IMMP2L: variants seen among roughly 807,000 people sequenced by gnomAD.
IMMP2L encodes mitochondrial inner membrane protease subunit 2.
In IMMP2L, 18 loss-of-function variants were observed where a neutral mutation model predicts 19.3. The observed-to-expected ratio is 0.93, with a 90% CI of 0.64 to 1.38. The LOEUF (loss-of-function observed/expected upper bound fraction) is 1.38. Among genes scored for constraint, IMMP2L ranks in the 40% most tolerant of loss-of-function variants. The pLI, the probability that IMMP2L is intolerant of heterozygous loss-of-function variation, is 0.00. For synonymous variants in IMMP2L, 76 were observed against 73.0 expected, an observed-to-expected ratio of 1.04 and a Z score of -0.21; for missense variants, 233 against 218.2, an observed-to-expected ratio of 1.07 and a Z score of -0.43.
chr7:110,761,353 T>C (rs1798339434), intron 5 of IMMP2L, among the ~76,000 whole-genome samples: 1 of 152,158 alleles, frequency 6.6e-6, no homozygotes, highest in Non-Finnish European at 1.5e-5. Flanking sequence ...AATGATGTCC[T>C]TTCCATGACA....
intron 3 of IMMP2L, among the ~76,000 whole-genome samples, chr7:111,062,969 C>T (rs1427189661): frequency 6.6e-6 from 1 of 152,206 alleles, no homozygotes; most frequent in African/African-American, 2.4e-5. Flanking sequence ...GTAGTGCTAC[C>T]ATTCTGGAGG....
At chr7:111,234,741 G>C (rs1430976948) in intron 3 of IMMP2L, among the ~76,000 whole-genome samples, 3 of 151,678 alleles carry the variant, frequency 2.0e-5, no homozygotes, top group African/African-American at 7.3e-5. Flanking sequence ...TGTTGTTTTA[G>C]TGGTTGGTTC....
chr7:110,942,854 C>A (rs905599599), intron 4 of IMMP2L, among the ~76,000 whole-genome samples: 1 of 151,906 alleles, frequency 6.6e-6, no homozygotes, highest in African/African-American at 2.4e-5. Flanking sequence ...CTATAGATAT[C>A]CAGCACCCAA....
At chr7:111,349,435 T>C (rs574187197) in intron 3 of IMMP2L, among the ~76,000 whole-genome samples, 2 of 152,304 alleles carry the variant, frequency 1.3e-5, no homozygotes, top group African/African-American at 4.8e-5. Context: ...AAAAATAGTT[T>C]TAAATTTTTG....
At chr7:111,199,268 G>C (rs112188375) in intron 3 of IMMP2L, among the ~76,000 whole-genome samples, 1 of 152,000 alleles carries the variant, frequency 6.6e-6, no homozygotes, top group African/African-American at 2.4e-5. Flanking sequence ...TTAAGTATGC[G>C]AGTATTTCTA....
At chr7:111,080,555 G>T (rs1166030093) in intron 3 of IMMP2L, among the ~76,000 whole-genome samples, 1 of 151,570 alleles carries the variant, frequency 6.6e-6, no homozygotes, top group African/African-American at 2.4e-5. Flanking sequence ...TATACACACA[G>T]AATATTTCAA....
intron 5 of IMMP2L, among the ~76,000 whole-genome samples, chr7:110,686,837 C>T (rs371914011): frequency 6.6e-6 from 1 of 152,194 alleles, no homozygotes; most frequent in East Asian, 1.9e-4. Context: ...CTGCTATACA[C>T]ACTGGTACCA....
At chr7:111,055,341 C>G (rs1008792005) in intron 3 of IMMP2L, among the ~76,000 whole-genome samples, 3 of 152,168 alleles carry the variant, frequency 2.0e-5, no homozygotes, top group Non-Finnish European at 4.4e-5. Context: ...CCACGCTCAG[C>G]TGAGTTGGCA....
intron 3 of IMMP2L, among the ~76,000 whole-genome samples, chr7:111,445,881 A>G (rs1301410481): frequency 1.3e-5 from 2 of 152,174 alleles, no homozygotes; most frequent in Non-Finnish European, 2.9e-5. Context: ...AGGGCGAGGC[A>G]TTGCCTCACC....
chr7:111,384,302 AG>A (rs1218736198), intron 3 of IMMP2L, among the ~76,000 whole-genome samples: 1 of 147,134 alleles, frequency 6.8e-6, no homozygotes, highest in African/African-American at 2.5e-5. Flanking sequence ...AGGAGAAAGG[AG>A]GAGGAGGGAA....
At chr7:111,346,989 C>T (rs1304884146) in intron 3 of IMMP2L, among the ~76,000 whole-genome samples, 1 of 152,002 alleles carries the variant, frequency 6.6e-6, no homozygotes, top group Non-Finnish European at 1.5e-5. Context: ...TTTAAAAAGT[C>T]TCTGTCTCAT....
chr7:111,295,204 C>T (rs993875562), intron 3 of IMMP2L, among the ~76,000 whole-genome samples: 3 of 152,018 alleles, frequency 2.0e-5, no homozygotes, highest in South Asian at 4.1e-4. Flanking sequence ...TCTAAAATTA[C>T]ATAGCATTCA....
Position 110,952,496 on chromosome 7 carries a change from G to A in IMMP2L, c.305+11004C>T, listed in dbSNP as rs148193633. 4.7e-4 allele frequency among the ~76,000 whole-genome samples: 72 copies of A among 152,234 alleles called. No homozygotes were observed. In the East Asian group the frequency reaches 0.01, roughly 22 times the overall value. On this transcript the variant is annotated intron_variant, in intron 4 of 5. Transcript: ENST00000405709. ...CTGCTAGGAAACACCAGACTCCAAA[G>A]GAGAACTTCATAATGTCCATCTGTA...
chr7:111,001,264 C>A (rs1823654156), intron 3 of IMMP2L, among the ~76,000 whole-genome samples: 1 of 152,108 alleles, frequency 6.6e-6, no homozygotes, highest in Non-Finnish European at 1.5e-5. Flanking sequence ...ATAATGTAAT[C>A]TTTAATTATT....
At chr7:111,382,625 C>G (rs907048162) in intron 3 of IMMP2L, among the ~76,000 whole-genome samples, 1 of 151,986 alleles carries the variant, frequency 6.6e-6, no homozygotes, top group Non-Finnish European at 1.5e-5. Context: ...TTCAAAAGCT[C>G]AGAAAAGCAA....
chr7:111,376,126 G>A (rs1563117292), intron 3 of IMMP2L, among the ~76,000 whole-genome samples: 2 of 152,068 alleles, frequency 1.3e-5, no homozygotes, highest in Admixed American at 1.3e-4. Context: ...GAGAAATTAT[G>A]TAGAGTAACA....
chr7:111,210,368 A>C (rs571545399), intron 3 of IMMP2L, among the ~76,000 whole-genome samples: 5 of 152,290 alleles, frequency 3.3e-5, no homozygotes, highest in Non-Finnish European at 7.4e-5. Flanking sequence ...GGTTTATTTC[A>C]CGTGTAAACT....
Position 111,114,762 on chromosome 7 carries a change from GAAAA to G in IMMP2L, c.240-151201_240-151198del, listed in dbSNP as rs555204081. Among the ~76,000 whole-genome samples the G allele has an allele frequency of 6.9e-5, 10 of 145,824 alleles. No homozygotes were observed. In the East Asian group the frequency reaches 2.0e-3, roughly 29 times the overall value. ...TCAAAAAAAAAAAAAAAGAAAGAAA[GAAAA>G]AAAAAGAAATACATTGAAACCATTT... On this transcript the variant is annotated intron_variant, in intron 3 of 5. Coordinates refer to ENST00000405709, the MANE Select transcript of IMMP2L (RefSeq NM_032549.4).
chr7:111,511,302 A>G (rs1038685974), intron 2 of IMMP2L, among the ~76,000 whole-genome samples: 1 of 152,054 alleles, frequency 6.6e-6, no homozygotes, highest in African/African-American at 2.4e-5. Flanking sequence ...CATATATCCT[A>G]GATCAGGCAC....
Sources: gnomAD v4.1 joint callset for allele counts (sites outside exome capture counted in the v4.1 genomes callset) on GRCh38, gnomAD v4.1.1 for gene constraint, MANE v1.5 for transcripts, NCBI Gene and HGNC (gene_info 2026-07-23, HGNC 2026-07-21) for gene names.